The following SLFN11 variants were observed in gnomAD, a reference collection of about 807,000 sequenced individuals.
The protein encoded by SLFN11 is schlafen family member 11.
Under a neutral mutation model 53.4 loss-of-function variants are expected in SLFN11, and 43 were observed. The ratio of observed to expected loss-of-function variants is 0.80; its 90% CI spans 0.63 to 1.04. The LOEUF is 1.04. Ranked by LOEUF, SLFN11 falls within the 50% of genes least tolerant of loss-of-function variation. The pLI is 0.00. For synonymous variants in SLFN11, 389 were observed against 394.7 expected (o/e 0.99, Z 0.17); for missense variants, 990 against 1,079.1 (o/e 0.92, Z 1.16).
At position 35,363,776 on chromosome 17, in the gene SLFN11, T is replaced by C. The variant is rs1450741086; in HGVS notation, c.32A>G (p.Glu11Gly). Reference protein sequence around the residue: MEANQCPLVVEPSYPDLVINV... With the variant: MEANQCPLVVGPSYPDLVINV... ...GATGACCAGGTCTGGGTAAGATGGT[T>C]CCACAACCAGGGGGCACTGATTTGC... The change falls in exon 4 of 7, where the codon GAA (glutamate) becomes GGA (glycine). Residue 11 changes from glutamate to glycine, a missense_variant. Physicochemically the swap from Glu to Gly is moderately conservative, Grantham distance 98 (BLOSUM62 -2). Coordinates refer to ENST00000685675, the MANE Select transcript of SLFN11 (RefSeq NM_001376007.1). The C allele has an allele frequency of 6.3e-7, 1 of 1,595,312 alleles. No individual in the cohort carries two copies. The highest frequency in any genetic ancestry group is 1.8e-5 in the Admixed American group (1 of 56,098).
intron 5 of SLFN11, among the ~76,000 whole-genome samples, chr17:35,356,138 A>G (rs1032854367): frequency 1.3e-5 from 2 of 152,042 alleles, no homozygotes; most frequent in African/African-American, 4.8e-5. Flanking sequence ...CAAAATTTCT[A>G]TTTGAGACAA....
intron 1 of SLFN11, among the ~76,000 whole-genome samples, chr17:35,369,157 G>T (rs1909333659): frequency 6.6e-6 from 1 of 151,988 alleles, no homozygotes; most frequent in Non-Finnish European, 1.5e-5. Context: ...TACCAGCTTA[G>T]CCACAGGGGT....
At chr17:35,368,983 A>G (rs2141988543) in intron 1 of SLFN11, among the ~76,000 whole-genome samples, 1 of 152,212 alleles carries the variant, frequency 6.6e-6, no homozygotes, top group South Asian at 2.1e-4. Flanking sequence ...TCCCTGAATA[A>G]TCAGCAACGA....
At chr17:35,364,787 G>A (rs913695029) in intron 3 of SLFN11, among the ~76,000 whole-genome samples, 7 of 152,044 alleles carry the variant, frequency 4.6e-5, no homozygotes, top group African/African-American at 1.7e-4. Context: ...ACTATATTTT[G>A]GTTCACAGGT....
At position 35,352,789 on chromosome 17, in the gene SLFN11, G is replaced by C; in HGVS notation, c.2273C>G (p.Thr758Ser). The change falls in exon 7 of 7, where the codon ACT becomes AGT. Residue 758 changes from threonine to serine, a missense_variant. By Grantham distance (58) the Thr-to-Ser change is moderately conservative. This residue lies in a region of SLFN11 where 313 missense variants were observed against 320.9 expected (regional missense o/e 0.98). Coordinates refer to ENST00000685675, the MANE Select transcript of SLFN11 (RefSeq NM_001376007.1). ...IRSNPSFNIP[T>S]GCLEVFPEAE... ...TTCAGGAAATACCTCGAGGCACCCA[G>C]TGGGGATGTTAAATGAAGGATTACT... 1 of 1,614,238 alleles carries C rather than the reference G, an allele frequency of 6.2e-7. No homozygotes were observed. The highest frequency in any genetic ancestry group is 2.2e-5 in the East Asian group (1 of 44,896).
intron 1 of SLFN11, among the ~76,000 whole-genome samples, chr17:35,370,547 A>G (rs1426803178): frequency 6.6e-6 from 1 of 152,150 alleles, no homozygotes; most frequent in Non-Finnish European, 1.5e-5. Context: ...CCTTGTTTGC[A>G]GGTGATATGA....
chr17:35,360,390 T>G lies in SLFN11; in HGVS notation c.1070-19A>C. On this transcript the variant is annotated intron_variant, in intron 4 of 6. Transcript: ENST00000685675. ...AGAAGATCTTAAGAAAGAAAATTCA[T>G]GTTATTCTGACGTGTTAATCTCTTC... 2 of 1,593,712 alleles carry G rather than the reference T, an allele frequency of 1.3e-6. No homozygotes were observed. The highest frequency in any genetic ancestry group is 1.8e-5 in the Admixed American group (1 of 54,598).
intron 4 of SLFN11, among the ~76,000 whole-genome samples, chr17:35,361,556 G>T (rs1261308925): frequency 6.6e-6 from 1 of 151,872 alleles, no homozygotes; most frequent in African/African-American, 2.4e-5. Flanking sequence ...CAAACTCCAG[G>T]GCTCAAGTGA....
At chr17:35,368,100 C>T (rs1909195656) in intron 1 of SLFN11, among the ~76,000 whole-genome samples, 1 of 151,884 alleles carries the variant, frequency 6.6e-6, no homozygotes, top group African/African-American at 2.4e-5. Flanking sequence ...CAAGTAGTGC[C>T]CAATTTTCTG....
chr17:35,352,397 C>T lies in SLFN11; in HGVS notation c.2665G>A (p.Ala889Thr), dbSNP rs1906795581. 2 of 1,614,076 alleles carry T rather than the reference C, an allele frequency of 1.2e-6. No homozygotes were observed. The highest frequency in any genetic ancestry group is 1.7e-6 in the Non-Finnish European group (2 of 1,180,036). Residue 889 changes from alanine to threonine, a missense_variant, in exon 7 of 7, where the codon GCA becomes ACA. By Grantham distance (58) the Ala-to-Thr change is moderately conservative. Around this residue, in one of 3 missense-constraint regions of SLFN11, gnomAD observed 313 missense variants for 320.9 expected, o/e 0.98. Transcript: ENST00000685675. ...PNVLICLASRAKQHLYIFPWG... is the reference protein window; with the variant it reads ...PNVLICLASRTKQHLYIFPWG... ...GGAAAAATATACAGGTGTTGTTTTG[C>T]CCTGGAAGCCAGACAGATCAGAACA... is the stretch of plus-strand genomic sequence containing the variant.
At chr17:35,361,503 C>T (rs888200421) in intron 4 of SLFN11, among the ~76,000 whole-genome samples, 1 of 151,780 alleles carries the variant, frequency 6.6e-6, no homozygotes, top group Non-Finnish European at 1.5e-5. Context: ...TCACTCTCAC[C>T]CATGCTGGGG....
At position 35,362,986 on chromosome 17, in the gene SLFN11, T is replaced by A; in HGVS notation, c.822A>T (p.Ile274=). The change falls in exon 4 of 7, where the codon ATA becomes ATT. Residue 274 remains isoleucine, a synonymous_variant. Coordinates refer to ENST00000685675, the MANE Select transcript of SLFN11 (RefSeq NM_001376007.1). ...NVDPDSLRRK[I]EQAIYKLPCV... ...AAGGTAGTTTGTATATGGCTTGTTC[T>A]ATTTTCCTTCTCAAAGAGTCAGGGT... 1 of 1,614,022 alleles carries A rather than the reference T, an allele frequency of 6.2e-7. No individual in the cohort carries two copies. The highest frequency in any genetic ancestry group is 8.5e-7 in the Non-Finnish European group (1 of 1,179,958).
intron 5 of SLFN11, 27 bp from the exon 6 acceptor site, chr17:35,354,086 G>C (rs1452471273): frequency 2.6e-6 from 4 of 1,543,528 alleles, no homozygotes; most frequent in African/African-American, 1.4e-5. Context: ...TGATAAATTA[G>C]AGGAAGAGAA....
At chr17:35,360,178 T>C in intron 5 of SLFN11, 65 bp downstream of exon 5, 13 of 1,498,636 alleles carry the variant, frequency 8.7e-6, no homozygotes, top group Non-Finnish European at 1.1e-5. Context: ...ACAAATATTA[T>C]AGTTTAATCT....
At chr17:35,361,667 A>G (rs1908236375) in intron 4 of SLFN11, among the ~76,000 whole-genome samples, 1 of 152,034 alleles carries the variant, frequency 6.6e-6, no homozygotes, top group Admixed American at 6.5e-5. Flanking sequence ...AAAATCAACA[A>G]TGTCCTCAAG....
chr17:35,363,669 T>A lies in SLFN11; in HGVS notation c.139A>T (p.Met47Leu), dbSNP rs1908569955. ...TTTAATAAAGCACATGCAGCCCGCA[T>A]AACTCTCTCCTTCTCTTGGTCTCTC... ...IQRDQEKERV[M>L]RAACALLNSG... Residue 47 changes from methionine to leucine, a missense_variant, in exon 4 of 7, where the codon ATG becomes TTG. Physicochemically the swap from Met to Leu is conservative, Grantham distance 15. This residue lies in a region of SLFN11 where 521 missense variants were observed against 516.2 expected (regional missense o/e 1.01). Transcript: ENST00000685675. 6.2e-7 allele frequency: 1 copy of A among 1,613,948 alleles called. No homozygotes were observed. Among genetic ancestry groups the A allele is most frequent in the Non-Finnish European group, 8.5e-7 (1 of 1,179,968 alleles).
Position 35,373,259 on chromosome 17 carries a change from C to A in SLFN11, c.-235+215G>T, listed in dbSNP as rs1187027283. Among the ~76,000 whole-genome samples the A allele has an allele frequency of 2.2e-5, 3 of 136,576 alleles. No individual in the cohort carries two copies. The East Asian group carries it at 7.1e-4, about 32-fold the overall frequency. The allele number at this position is 136,576 out of a possible 152,430, so 89.6% of individuals were successfully genotyped here. ...CCCGCCCCGCCCCTAATGCCTTCTA[C>A]CCCCATTACCCACCCCCGCCCCGCC... On this transcript the variant is annotated intron_variant, in intron 1 of 6. Transcript: ENST00000685675.
intron 1 of SLFN11, among the ~76,000 whole-genome samples, chr17:35,369,010 C>T (rs541077872): frequency 3.3e-5 from 5 of 152,136 alleles, no homozygotes; most frequent in African/African-American, 9.6e-5. Context: ...GGTAATATGC[C>T]GTGGGTCTTG....
chr17:35,371,185 A>C (rs1191094293), intron 1 of SLFN11, among the ~76,000 whole-genome samples: 1 of 152,066 alleles, frequency 6.6e-6, no homozygotes, highest in African/African-American at 2.4e-5. Context: ...AAGTGAACTC[A>C]TTTTTCACAA....
Sources: gnomAD v4.1 joint callset for allele counts (sites outside exome capture counted in the v4.1 genomes callset) on GRCh38, gnomAD v4.1.1 for gene constraint, gnomAD v4.1.1 regional missense constraint, MANE v1.5 for transcripts, NCBI Gene and HGNC (gene_info 2026-07-23, HGNC 2026-07-21) for gene names.